The following CLSTN2 variants were observed in gnomAD, a reference collection of about 807,000 sequenced individuals.
CLSTN2 encodes the protein calsyntenin 2, also known as calsyntenin-2.
In CLSTN2, 48 loss-of-function variants were observed where a neutral mutation model predicts 101.2. The ratio of observed to expected loss-of-function variants is 0.47; its 90% CI spans 0.38 to 0.60. The LOEUF (loss-of-function observed/expected upper bound fraction) is 0.60. Ranked by LOEUF, CLSTN2 falls within the 20% of genes least tolerant of loss-of-function variation. The pLI is 0.00. For synonymous variants in CLSTN2, 481 were observed against 463.6 expected (o/e 1.04, Z -0.48); for missense variants, 1,160 against 1,238.2 (o/e 0.94, Z 0.95).
At chr3:140,156,970 G>A (rs1462310666) in intron 1 of CLSTN2, among the ~76,000 whole-genome samples, 1 of 152,086 alleles carries the variant, frequency 6.6e-6, no homozygotes, top group Non-Finnish European at 1.5e-5. Flanking sequence ...GAGAAGTAAA[G>A]GCTCTTTTGA....
intron 1 of CLSTN2, among the ~76,000 whole-genome samples, chr3:139,961,587 G>C (rs1402670207): frequency 6.6e-6 from 1 of 152,206 alleles, no homozygotes; most frequent in Non-Finnish European, 1.5e-5. Context: ...TCACATTATA[G>C]GGTGGCACTT....
chr3:140,129,094 C>A (rs1280869400), intron 1 of CLSTN2, among the ~76,000 whole-genome samples: 1 of 152,052 alleles, frequency 6.6e-6, no homozygotes, highest in African/African-American at 2.4e-5. Context: ...GTGGCCATCT[C>A]AGTTTCCCCT....
chr3:140,221,370 G>A (rs1014897608), intron 2 of CLSTN2, among the ~76,000 whole-genome samples: 9 of 152,156 alleles, frequency 5.9e-5, no homozygotes, highest in East Asian at 1.9e-4. Context: ...TTTGCAGAGG[G>A]TGCTACATAA....
chr3:140,438,634 CATCTTTACACTA>C (rs892469563), intron 5 of CLSTN2, among the ~76,000 whole-genome samples: 5 of 151,976 alleles, frequency 3.3e-5, no homozygotes, highest in African/African-American at 1.2e-4. Flanking sequence ...ACCACTGCTC[CATCTTTACACTA>C]ATAATACATT....
intron 2 of CLSTN2, among the ~76,000 whole-genome samples, chr3:140,216,458 G>C (rs1053279352): frequency 1.3e-5 from 2 of 152,120 alleles, no homozygotes; most frequent in African/African-American, 4.8e-5. Context: ...CAGAGGAATT[G>C]CTTCCCACTA....
chr3:140,558,808 T>C lies in CLSTN2; in HGVS notation c.1992T>C (p.Ile664=), dbSNP rs762647524. The stretch of plus-strand genomic sequence containing the variant: ...TGACCCTCTTCCCTGATATCAAGAT[T>C]GTGAGCACCTTCGCCAAAACCGAAG... ...RGVTLFPDIK[I]VSTFAKTEAP... Residue 664 remains isoleucine (I), a synonymous_variant, in exon 12 of 17, where the codon ATT becomes ATC. Transcript: ENST00000458420. The C allele has an allele frequency of 3.6e-5, 58 of 1,613,850 alleles. No individual in the cohort carries two copies. The highest frequency in any genetic ancestry group is 4.6e-5 in the Non-Finnish European group (54 of 1,179,992).
intron 1 of CLSTN2, among the ~76,000 whole-genome samples, chr3:140,119,432 A>G (rs2009302323): frequency 6.6e-6 from 1 of 152,244 alleles, no homozygotes; most frequent in Non-Finnish European, 1.5e-5. Context: ...CATGCAGCAC[A>G]TAGTACATGT....
chr3:140,320,537 G>A (rs1418733424), intron 2 of CLSTN2, among the ~76,000 whole-genome samples: 2 of 151,704 alleles, frequency 1.3e-5, no homozygotes, highest in East Asian at 3.9e-4. Context: ...GCTGCTGACA[G>A]TAGGGTGACA....
At chr3:140,015,415 A>G (rs1283495044) in intron 1 of CLSTN2, among the ~76,000 whole-genome samples, 2 of 152,200 alleles carry the variant, frequency 1.3e-5, no homozygotes, top group African/African-American at 4.8e-5. Flanking sequence ...CACCTGAGAG[A>G]GAGAGATGAC....
Position 140,545,045 on chromosome 3 carries a change from A to T in CLSTN2, c.1508-1470A>T, listed in dbSNP as rs562137999. On this transcript the variant is annotated intron_variant, in intron 9 of 16. Coordinates refer to ENST00000458420, the MANE Select transcript of CLSTN2 (RefSeq NM_022131.3). ...TTATAAATATGGGGATTGGAGTAACATGGGATTAGTGGGTAAGAACTCTAA... is the reference window on the plus strand; with the variant it reads ...TTATAAATATGGGGATTGGAGTAACTTGGGATTAGTGGGTAAGAACTCTAA... 3.3e-5 allele frequency among the ~76,000 whole-genome samples: 5 copies of T among 152,310 alleles called. No homozygotes were observed. The East Asian group carries it at 9.6e-4, about 29-fold the overall frequency.
At chr3:140,409,516 T>C (rs1318990299) in intron 4 of CLSTN2, among the ~76,000 whole-genome samples, 2 of 152,192 alleles carry the variant, frequency 1.3e-5, no homozygotes, top group African/African-American at 4.8e-5. Flanking sequence ...TCTCCAGCAT[T>C]ACCCATCCCC....
At chr3:140,047,817 A>G (rs1444432806) in intron 1 of CLSTN2, among the ~76,000 whole-genome samples, 1 of 152,228 alleles carries the variant, frequency 6.6e-6, no homozygotes, top group Non-Finnish European at 1.5e-5. Context: ...TTACTCTATG[A>G]ATTGGGCTCT....
chr3:140,346,532 A>G (rs1197917167), intron 2 of CLSTN2, among the ~76,000 whole-genome samples: 1 of 152,216 alleles, frequency 6.6e-6, no homozygotes, highest in South Asian at 2.1e-4. Context: ...AATGCTTTAA[A>G]CAGAGTTGTT....
At chr3:140,233,438 G>A (rs1008106958) in intron 2 of CLSTN2, among the ~76,000 whole-genome samples, 1 of 152,150 alleles carries the variant, frequency 6.6e-6, no homozygotes, top group Non-Finnish European at 1.5e-5. Context: ...TGGTTTGGTT[G>A]TATCTTCCTT....
intron 4 of CLSTN2, among the ~76,000 whole-genome samples, chr3:140,416,844 T>G (rs111285210): frequency 1.1e-4 from 17 of 152,340 alleles, no homozygotes; most frequent in African/African-American, 3.4e-4. Flanking sequence ...TTGTTTGGTC[T>G]TCATGCAGCC....
At chr3:140,421,565 A>G (rs1304638362) in intron 5 of CLSTN2, among the ~76,000 whole-genome samples, 1 of 151,852 alleles carries the variant, frequency 6.6e-6, no homozygotes, top group Non-Finnish European at 1.5e-5. Flanking sequence ...CACAGCATGT[A>G]GGAGAAATTG....
chr3:140,142,151 T>C (rs2009711491), intron 1 of CLSTN2, among the ~76,000 whole-genome samples: 1 of 152,182 alleles, frequency 6.6e-6, no homozygotes, highest in African/African-American at 2.4e-5. Flanking sequence ...GTACACATTC[T>C]TCATTAAACT....
At position 140,474,618 on chromosome 3, in the gene CLSTN2, C is replaced by T. The variant is rs114761891; in HGVS notation, c.1344+7887C>T. ...TCCTCTTTCTCTTGACAGTGCTTCA[C>T]TTGGAAGCTTAAAGTTAACAAAGTT... On this transcript the variant is annotated intron_variant, in intron 8 of 16. Coordinates refer to ENST00000458420, the MANE Select transcript of CLSTN2 (RefSeq NM_022131.3). Among the ~76,000 whole-genome samples the T allele has an allele frequency of 5.6e-3, 856 of 152,284 alleles. 4 individuals carry two copies. Among genetic ancestry groups the T allele is most frequent in the Non-Finnish European group, 8.7e-3 (594 of 68,028 alleles).
intron 1 of CLSTN2, among the ~76,000 whole-genome samples, chr3:139,996,273 A>G (rs1229119707): frequency 6.6e-6 from 1 of 152,120 alleles, no homozygotes; most frequent in Admixed American, 6.5e-5. Flanking sequence ...GTGTATCTGT[A>G]TAATATTCCA....
Sources: allele counts gnomAD v4.1 joint callset (sites outside exome capture counted in the v4.1 genomes callset), GRCh38; gene constraint gnomAD v4.1.1; transcripts MANE v1.5; gene names NCBI Gene and HGNC (gene_info 2026-07-23, HGNC 2026-07-21).